SNTG2: variants seen among roughly 807,000 people sequenced by gnomAD.
The protein encoded by SNTG2 is syntrophin gamma 2.
Under a neutral mutation model 70.9 loss-of-function variants are expected in SNTG2, and 74 were observed. The observed-to-expected ratio is 1.04, with a 90% CI of 0.86 to 1.27. SNTG2 has a LOEUF of 1.27. Ranked by LOEUF, SNTG2 falls within the 50% of genes most tolerant of loss-of-function variation. The pLI, the probability that SNTG2 is intolerant of heterozygous loss-of-function variation, is 0.00. For missense variants in SNTG2, 717 were observed against 690.7 expected (o/e 1.04, Z -0.43); for synonymous variants, 278 against 273.8 (o/e 1.02, Z -0.15).
intron 4 of SNTG2, among the ~76,000 whole-genome samples, chr2:1,129,277 C>T (rs2148308357): frequency 6.6e-6 from 1 of 152,334 alleles, no homozygotes; most frequent in Admixed American, 6.5e-5. Flanking sequence ...TTTAGAAAGT[C>T]ACTGGCCTTT....
intron 16 of SNTG2, among the ~76,000 whole-genome samples, chr2:1,331,410 A>C (rs1659521456): frequency 6.6e-6 from 1 of 152,242 alleles, no homozygotes; most frequent in African/African-American, 2.4e-5. Flanking sequence ...CTGCGAGCTA[A>C]GTCCAACTGA....
intron 1 of SNTG2, among the ~76,000 whole-genome samples, chr2:1,035,218 G>A (rs1572266430): frequency 3.3e-5 from 5 of 152,148 alleles, no homozygotes; most frequent in South Asian, 4.1e-4. Flanking sequence ...TGCTTCCTTC[G>A]TTATTGTTCC....
At chr2:1,189,870 C>T (rs115060431) in intron 8 of SNTG2, among the ~76,000 whole-genome samples, 1,986 of 152,142 alleles carry the variant, frequency 0.013, 46 homozygotes, top group African/African-American at 0.045. Context: ...ATATGGAATA[C>T]TTCATATAAC....
At position 1,165,650 on chromosome 2, in the gene SNTG2, G is replaced by A. The variant is rs1249212714; in HGVS notation, c.499+15G>A. ...GCTCCCGTTAGGTAAGTGGGAAGAG[G>A]AGAAATGCCAGGGTGCTGGAGAAAT... On this transcript the variant is annotated intron_variant, in intron 7 of 16. Coordinates refer to ENST00000308624, the MANE Select transcript of SNTG2 (RefSeq NM_018968.4). 3 of 1,601,204 alleles carry A rather than the reference G, an allele frequency of 1.9e-6. No individual in the cohort carries two copies. Among genetic ancestry groups the A allele is most frequent in the Non-Finnish European group, 2.6e-6 (3 of 1,172,048 alleles).
chr2:1,224,427 C>T (rs1256193925), intron 9 of SNTG2, among the ~76,000 whole-genome samples: 1 of 152,184 alleles, frequency 6.6e-6, no homozygotes, highest in Admixed American at 6.5e-5. Flanking sequence ...TGACCTTTGA[C>T]CTGGCTTCCC....
intron 8 of SNTG2, among the ~76,000 whole-genome samples, chr2:1,206,176 G>A (rs1673622082): frequency 6.6e-6 from 1 of 152,190 alleles, no homozygotes; most frequent in South Asian, 2.1e-4. Flanking sequence ...TTGGGACCAC[G>A]ATGAGAATCA....
At chr2:1,197,513 A>G (rs1314419678) in intron 8 of SNTG2, among the ~76,000 whole-genome samples, 1 of 85,216 alleles carries the variant, frequency 1.2e-5, no homozygotes, top group Non-Finnish European at 2.7e-5. Flanking sequence ...GTATGTATAT[A>G]TATGTGTGTG....
At chr2:1,233,599 C>T (rs1676406469) in intron 9 of SNTG2, among the ~76,000 whole-genome samples, 1 of 152,208 alleles carries the variant, frequency 6.6e-6, no homozygotes, top group Non-Finnish European at 1.5e-5. Context: ...CTTAAACAGA[C>T]TGGCTGTCCT....
chr2:1,051,856 C>T (rs956295736), intron 1 of SNTG2, among the ~76,000 whole-genome samples: 12 of 152,204 alleles, frequency 7.9e-5, no homozygotes, highest in Admixed American at 7.2e-4. Flanking sequence ...CAGCTGGGCT[C>T]TCACAGAATC....
chr2:1,032,366 C>T (rs971666165), intron 1 of SNTG2, among the ~76,000 whole-genome samples: 11 of 151,792 alleles, frequency 7.2e-5, no homozygotes, highest in Non-Finnish European at 5.9e-5. Context: ...AAAATGAAAA[C>T]GAAACTACAC....
intron 1 of SNTG2, among the ~76,000 whole-genome samples, chr2:983,722 G>A (rs1203723043): frequency 1.3e-5 from 2 of 152,190 alleles, no homozygotes; most frequent in Admixed American, 1.3e-4. Context: ...AGTGTTGTAG[G>A]TACCAGTTTT....
intron 4 of SNTG2, among the ~76,000 whole-genome samples, chr2:1,105,668 C>G (rs1395924973): frequency 6.6e-6 from 1 of 152,200 alleles, no homozygotes; most frequent in Non-Finnish European, 1.5e-5. Context: ...AGCTCCTGCT[C>G]ACTCTCCCTC....
intron 1 of SNTG2, among the ~76,000 whole-genome samples, chr2:1,069,824 A>C (rs189777018): frequency 6.6e-6 from 1 of 152,140 alleles, no homozygotes. Context: ...AAAACAAAAC[A>C]AAAAAGCAAC....
intron 4 of SNTG2, among the ~76,000 whole-genome samples, chr2:1,104,071 A>G (rs1331869113): frequency 3.9e-5 from 6 of 152,176 alleles, no homozygotes; most frequent in Non-Finnish European, 8.8e-5. Flanking sequence ...CCCATTTTAC[A>G]GATGAGGACA....
chr2:1,072,523 G>A (rs534767561), intron 1 of SNTG2, among the ~76,000 whole-genome samples: 33 of 150,726 alleles, frequency 2.2e-4, no homozygotes, highest in Middle Eastern at 6.8e-3. Context: ...GAGACAAAAA[G>A]AAAAAAAAGA....
intron 1 of SNTG2, among the ~76,000 whole-genome samples, chr2:971,585 TA>T (rs1660740905): frequency 6.6e-6 from 1 of 152,076 alleles, no homozygotes; most frequent in Non-Finnish European, 1.5e-5. Flanking sequence ...CCATCTTATT[TA>T]TTTTTTTAAA....
intron 1 of SNTG2, among the ~76,000 whole-genome samples, chr2:973,901 AG>A (rs1448891475): frequency 3.9e-5 from 6 of 152,024 alleles, no homozygotes; most frequent in Non-Finnish European, 8.8e-5. Context: ...TTTTTTGCTC[AG>A]ATTTTCCATC....
chr2:1,121,916 A>C (rs1667404358), intron 4 of SNTG2, among the ~76,000 whole-genome samples: 1 of 152,118 alleles, frequency 6.6e-6, no homozygotes, highest in Non-Finnish European at 1.5e-5. Context: ...TAAATAAAAA[A>C]AGTGAAGGCA....
intron 14 of SNTG2, among the ~76,000 whole-genome samples, chr2:1,282,113 G>T (rs1022048352): frequency 1.3e-5 from 2 of 152,146 alleles, no homozygotes; most frequent in Non-Finnish European, 2.9e-5. Flanking sequence ...TGTTTTAAAC[G>T]TGTGCCCACC....
Sources: gnomAD v4.1 joint callset for allele counts (sites outside exome capture counted in the v4.1 genomes callset) on GRCh38, gnomAD v4.1.1 for gene constraint, MANE v1.5 for transcripts, NCBI Gene and HGNC (gene_info 2026-07-23, HGNC 2026-07-21) for gene names.